The following BFSP2 variants were observed in gnomAD, a reference collection of about 807,000 sequenced individuals.
BFSP2 encodes beaded filament structural protein 2.
Under a neutral mutation model 44.9 loss-of-function variants are expected in BFSP2, and 38 were observed. The ratio of observed to expected loss-of-function variants is 0.85; its 90% CI spans 0.65 to 1.11. BFSP2 has a LOEUF of 1.11. Ranked by LOEUF, BFSP2 falls within the 50% of genes least tolerant of loss-of-function variation. BFSP2 has a pLI of 0.00. For missense variants in BFSP2, 525 were observed against 533.0 expected, an observed-to-expected ratio of 0.99 and a Z score of 0.15; for synonymous variants, 197 against 209.9, an observed-to-expected ratio of 0.94 and a Z score of 0.53.
chr3:133,430,153 C>A (rs1293016695), intron 1 of BFSP2, among the ~76,000 whole-genome samples: 1 of 152,024 alleles, frequency 6.6e-6, no homozygotes, highest in Non-Finnish European at 1.5e-5. Context: ...TCCAGTCTAT[C>A]ATTGTTGGAC....
rs2073813478 is a variant in BFSP2 at position 133,438,536 on chromosome 3, G to C, written c.490-8781G>C. ...GGTGGCAGAGTGGGACTCCATCTCA[G>C]AAACAAAACAAAAAAAGAAAAAAGA... is the stretch of plus-strand genomic sequence containing the variant. On this transcript the variant is annotated intron_variant, in intron 1 of 6. Transcript: ENST00000302334. 1.3e-5 allele frequency among the ~76,000 whole-genome samples: 2 copies of C among 151,400 alleles called. 1 individual carries two copies. Among genetic ancestry groups the C allele is most frequent in the Admixed American group, 1.3e-4 (2 of 15,196 alleles).
chr3:133,414,778 A>AC (rs1559959339), intron 1 of BFSP2, among the ~76,000 whole-genome samples: 59 of 6,352 alleles, frequency 9.3e-3, no homozygotes, highest in Middle Eastern at 0.045. Flanking sequence ...CCCTCTACTC[A>AC]CCCTGCCACC....
At chr3:133,440,388 G>A (rs1032740843) in intron 1 of BFSP2, among the ~76,000 whole-genome samples, 7 of 152,302 alleles carry the variant, frequency 4.6e-5, no homozygotes, top group African/African-American at 1.7e-4. Context: ...ACTGTATCTG[G>A]ATGTGCCTGG....
chr3:133,421,315 T>A (rs556330197), intron 1 of BFSP2, among the ~76,000 whole-genome samples: 114 of 152,338 alleles, frequency 7.5e-4, no homozygotes, highest in African/African-American at 2.6e-3. Flanking sequence ...CTCACAGGCC[T>A]GGAGACTAGA....
rs1016358263 is a variant in BFSP2 at position 133,432,198 on chromosome 3, C to A, written c.490-15119C>A. The stretch of plus-strand genomic sequence containing the variant: ...TTCTAAAACCTATAAACTCTCCTTA[C>A]AATTCCCCCATTTTACCTGTCCAAA... On this transcript the variant is annotated intron_variant, in intron 1 of 6. Transcript: ENST00000302334. Among the ~76,000 whole-genome samples the A allele has an allele frequency of 7.7e-4, 118 of 152,310 alleles. 1 individual carries two copies. Among genetic ancestry groups the A allele is most frequent in the African/African-American group, 2.8e-3 (117 of 41,566 alleles).
chr3:133,426,859 G>C (rs1215054580), intron 1 of BFSP2, among the ~76,000 whole-genome samples: 1 of 152,236 alleles, frequency 6.6e-6, no homozygotes, highest in Admixed American at 6.5e-5. Flanking sequence ...ACAGGGCAGA[G>C]AGAGAGAAAC....
At chr3:133,438,097 T>A (rs929456162) in intron 1 of BFSP2, among the ~76,000 whole-genome samples, 1 of 152,236 alleles carries the variant, frequency 6.6e-6, no homozygotes, top group South Asian at 2.1e-4. Flanking sequence ...TTTAAAGTGA[T>A]CAAAACAGCC....
intron 1 of BFSP2, among the ~76,000 whole-genome samples, chr3:133,430,767 T>G (rs1358646911): frequency 3.3e-5 from 5 of 152,014 alleles, no homozygotes; most frequent in Non-Finnish European, 7.4e-5. Flanking sequence ...CGCTGAGTCT[T>G]TCTAATCTTC....
chr3:133,453,778 G>A (rs1413967911), intron 4 of BFSP2, among the ~76,000 whole-genome samples: 1 of 152,192 alleles, frequency 6.6e-6, no homozygotes, highest in South Asian at 2.1e-4. Context: ...AGGGATAAAG[G>A]TGGTACCATC....
intron 6 of BFSP2, among the ~76,000 whole-genome samples, chr3:133,473,501 C>T (rs569532077): frequency 2.8e-4 from 40 of 143,582 alleles, no homozygotes; most frequent in African/African-American, 9.8e-4. Context: ...GGGTGTTTCT[C>T]GCAGAGGGGG....
intron 4 of BFSP2, among the ~76,000 whole-genome samples, chr3:133,462,823 CA>C: frequency 6.6e-6 from 1 of 152,242 alleles, no homozygotes; most frequent in East Asian, 1.9e-4. Context: ...AATCAGACTA[CA>C]AAAAATGCTT....
intron 3 of BFSP2, among the ~76,000 whole-genome samples, chr3:133,450,047 GAAGA>G (rs1455794679): frequency 1.4e-4 from 18 of 132,282 alleles, no homozygotes; most frequent in African/African-American, 3.7e-4. Flanking sequence ...AAGGAGGGAG[GAAGA>G]AAGAAAGAGA....
At chr3:133,469,690 TC>T (rs1261151934) in intron 5 of BFSP2, among the ~76,000 whole-genome samples, 5 of 152,242 alleles carry the variant, frequency 3.3e-5, no homozygotes, top group Non-Finnish European at 7.3e-5. Flanking sequence ...AGTAGCCTGA[TC>T]ATAGTCACTC....
chr3:133,442,493 T>C (rs1377504227), intron 1 of BFSP2, among the ~76,000 whole-genome samples: 2 of 152,102 alleles, frequency 1.3e-5, no homozygotes, highest in South Asian at 2.1e-4. Context: ...CAGAGTGACA[T>C]GATATGATTT....
At chr3:133,404,177 G>A (rs1433156419) in intron 1 of BFSP2, among the ~76,000 whole-genome samples, 1 of 152,192 alleles carries the variant, frequency 6.6e-6, no homozygotes, top group Non-Finnish European at 1.5e-5. Flanking sequence ...CAAAGGGCTT[G>A]GATTATAGGT....
intron 3 of BFSP2, among the ~76,000 whole-genome samples, chr3:133,449,521 T>C (rs2073936737): frequency 6.6e-6 from 1 of 151,888 alleles, no homozygotes; most frequent in Non-Finnish European, 1.5e-5. Flanking sequence ...TGTTTGTTTG[T>C]TTGTTTGTTT....
rs544458252 is a variant in BFSP2, at chr3:133,448,240, T to G, written c.573-249T>G. ...AACTCCTGAGTTTTCCCTGGAGTTC[T>G]GTGTTGCAACACTCCCATGAGGCTG... On this transcript the variant is annotated intron_variant, in intron 2 of 6. Transcript: ENST00000302334. Among the ~76,000 whole-genome samples the G allele has an allele frequency of 2.0e-5, 3 of 152,324 alleles. No homozygotes were observed. The East Asian group carries it at 5.8e-4, about 29-fold the overall frequency.
chr3:133,430,225 T>C (rs1297699938), intron 1 of BFSP2, among the ~76,000 whole-genome samples: 1 of 152,108 alleles, frequency 6.6e-6, no homozygotes, highest in Non-Finnish European at 1.5e-5. Flanking sequence ...TACGTGTGCA[T>C]GTGTCTTTAT....
intron 1 of BFSP2, among the ~76,000 whole-genome samples, chr3:133,422,408 A>G (rs1443411293): frequency 1.3e-5 from 2 of 152,188 alleles, no homozygotes; most frequent in Non-Finnish European, 1.5e-5. Flanking sequence ...TTCCCTGGAC[A>G]TGCAGAAACC....
Sources: gnomAD v4.1 joint callset for allele counts (sites outside exome capture counted in the v4.1 genomes callset) on GRCh38, gnomAD v4.1.1 for gene constraint, MANE v1.5 for transcripts, NCBI Gene and HGNC (gene_info 2026-07-23, HGNC 2026-07-21) for gene names.